Variants in CDH4 observed in about 807,000 individuals in gnomAD.
The protein encoded by CDH4 is cadherin-4.
CDH4 carries 33 observed loss-of-function variants against 86.0 expected under a neutral mutation model. The observed-to-expected ratio is 0.38, with a 90% confidence interval of 0.29 to 0.51. CDH4 has a LOEUF of 0.51. CDH4 is among the 20% of genes least tolerant of loss of function. CDH4 has a pLI of 0.86. For missense variants in CDH4, 1,114 were observed against 1,307.4 expected, an observed-to-expected ratio of 0.85 and a Z score of 2.28; for synonymous variants, 555 against 549.4, an observed-to-expected ratio of 1.01 and a Z score of -0.14.
intron 2 of CDH4, among the ~76,000 whole-genome samples, chr20:61,285,817 G>A (rs532287671): frequency 6.6e-5 from 10 of 152,328 alleles, no homozygotes; most frequent in African/African-American, 2.2e-4. Flanking sequence ...TGGCGCAGAC[G>A]CCCCTGAAAG....
At chr20:61,272,975 G>A (rs1330692109) in intron 2 of CDH4, among the ~76,000 whole-genome samples, 1 of 102,146 alleles carries the variant, frequency 9.8e-6, no homozygotes, top group African/African-American at 4.1e-5. Flanking sequence ...ACCATGTGCA[G>A]TTTTGGGGAG....
chr20:61,849,470 C>T lies in CDH4; in HGVS notation c.733-3284C>T, dbSNP rs143144688. 2.5e-4 allele frequency among the ~76,000 whole-genome samples: 38 copies of T among 152,332 alleles called. 1 individual carries two copies. Among genetic ancestry groups the T allele is most frequent in the Admixed American group, 2.5e-3 (38 of 15,302 alleles). Reference sequence around the variant, plus strand: ...ATGGGCTTGGCTTGTGTTTCTGCTCCGGGTCTCACCAGGCCAAAATCAAAG... The same window carrying T: ...ATGGGCTTGGCTTGTGTTTCTGCTCTGGGTCTCACCAGGCCAAAATCAAAG... On this transcript the variant is annotated intron_variant, in intron 5 of 15. Transcript: ENST00000614565.
intron 2 of CDH4, among the ~76,000 whole-genome samples, chr20:61,590,402 A>G (rs2086509763): frequency 6.6e-6 from 1 of 152,110 alleles, no homozygotes; most frequent in South Asian, 2.1e-4. Flanking sequence ...CTGCAGCAGG[A>G]GGGTCAGGTT....
At chr20:61,534,997 G>C (rs1455142216) in intron 2 of CDH4, among the ~76,000 whole-genome samples, 1 of 152,190 alleles carries the variant, frequency 6.6e-6, no homozygotes, top group East Asian at 1.9e-4. Context: ...CTCACTTAAA[G>C]GGACAATCAA....
intron 2 of CDH4, among the ~76,000 whole-genome samples, chr20:61,500,656 A>G (rs941454634): frequency 6.6e-6 from 1 of 152,264 alleles, no homozygotes; most frequent in Non-Finnish European, 1.5e-5. Flanking sequence ...ACACCTGCGT[A>G]TCATAAGAAG....
At chr20:61,506,908 G>A (rs769272694) in intron 2 of CDH4, among the ~76,000 whole-genome samples, 1 of 152,176 alleles carries the variant, frequency 6.6e-6, no homozygotes, top group Non-Finnish European at 1.5e-5. Flanking sequence ...ACTCAGATTT[G>A]AGCAAGGAAA....
At chr20:61,728,404 T>C (rs529894979) in intron 2 of CDH4, among the ~76,000 whole-genome samples, 8 of 152,228 alleles carry the variant, frequency 5.3e-5, no homozygotes, top group African/African-American at 1.9e-4. Flanking sequence ...CCTCTAAAAC[T>C]CTGCTTGAGT....
intron 2 of CDH4, among the ~76,000 whole-genome samples, chr20:61,484,773 C>T (rs1268801274): frequency 6.6e-6 from 1 of 152,182 alleles, no homozygotes; most frequent in East Asian, 1.9e-4. Context: ...AGGGGGTGCG[C>T]CCAGCAGCCC....
intron 5 of CDH4, among the ~76,000 whole-genome samples, chr20:61,850,896 G>T (rs767051993): frequency 6.6e-4 from 101 of 152,374 alleles, no homozygotes; most frequent in Non-Finnish European, 9.7e-4. Flanking sequence ...ACAGGCCACG[G>T]GCAGAGGCGG....
At chr20:61,873,619 C>A in intron 6 of CDH4, 109 bp from the exon 7 acceptor site, 1 of 1,201,788 alleles carries the variant, frequency 8.3e-7, no homozygotes, top group Non-Finnish European at 1.2e-6. Flanking sequence ...GGTTCCGCTA[C>A]GCCAGACTCA....
intron 2 of CDH4, among the ~76,000 whole-genome samples, chr20:61,348,153 A>T (rs1282476415): frequency 1.3e-5 from 2 of 152,188 alleles, no homozygotes; most frequent in African/African-American, 4.8e-5. Context: ...TGGGTCATTT[A>T]TAAAGGAAAG....
chr20:61,784,668 A>C (rs1234112785), intron 4 of CDH4, among the ~76,000 whole-genome samples: 62 of 63,546 alleles, frequency 9.8e-4, no homozygotes, highest in East Asian at 4.4e-3. Flanking sequence ...CGAGGCCCTC[A>C]GATGTCCTGT....
intron 2 of CDH4, among the ~76,000 whole-genome samples, chr20:61,596,236 G>A (rs993940059): frequency 3.7e-4 from 57 of 152,202 alleles, no homozygotes; most frequent in Non-Finnish European, 2.9e-5. Flanking sequence ...GAAAATGAAG[G>A]AATGGAAGAT....
chr20:61,534,269 C>T (rs774669861), intron 2 of CDH4, among the ~76,000 whole-genome samples: 66 of 152,262 alleles, frequency 4.3e-4, no homozygotes, highest in Non-Finnish European at 7.8e-4. Context: ...CTTGTCATGT[C>T]TCATGCAGAT....
chr20:61,619,499 G>C (rs1369944794), intron 2 of CDH4, among the ~76,000 whole-genome samples: 1 of 152,196 alleles, frequency 6.6e-6, no homozygotes, highest in Non-Finnish European at 1.5e-5. Flanking sequence ...GTTTGGCACA[G>C]AGTGAGAGCT....
chr20:61,291,528 C>A (rs1600839319), intron 2 of CDH4, among the ~76,000 whole-genome samples: 1 of 152,284 alleles, frequency 6.6e-6, no homozygotes, highest in South Asian at 2.1e-4. Flanking sequence ...TAATGGAGTG[C>A]CTCCTTCATG....
At chr20:61,476,827 C>T (rs2085539090) in intron 2 of CDH4, among the ~76,000 whole-genome samples, 1 of 152,232 alleles carries the variant, frequency 6.6e-6, no homozygotes, top group South Asian at 2.1e-4. Context: ...AATACTGACA[C>T]AGGCTGCTCC....
chr20:61,835,618 C>T (rs35448475), intron 4 of CDH4, among the ~76,000 whole-genome samples: 62,726 of 152,224 alleles, frequency 0.41, 15,970 homozygotes, highest in Non-Finnish European at 0.58. Flanking sequence ...TCAGTTCATA[C>T]ACCAGGGCTT....
intron 2 of CDH4, among the ~76,000 whole-genome samples, chr20:61,617,207 A>G (rs1449830189): frequency 1.3e-5 from 2 of 151,978 alleles, no homozygotes; most frequent in African/African-American, 4.8e-5. Context: ...CTGAACCCAT[A>G]CTTCCCACGC....
Sources: allele counts gnomAD v4.1 joint callset (sites outside exome capture counted in the v4.1 genomes callset), GRCh38; gene constraint gnomAD v4.1.1; transcripts MANE v1.5; gene names NCBI Gene and HGNC (gene_info 2026-07-23, HGNC 2026-07-21).